ZNF354B: variants seen among roughly 807,000 people sequenced by gnomAD.
ZNF354B encodes zinc finger protein 354B.
A neutral mutation model predicts 12.9 loss-of-function variants in ZNF354B; 10 were observed. That is an observed-to-expected ratio of 0.77 (90% CI 0.48 to 1.31). ZNF354B has a LOEUF of 1.31. Ranked by LOEUF, ZNF354B falls within the 40% of genes most tolerant of loss-of-function variation. ZNF354B has a pLI of 0.00. For synonymous variants in ZNF354B, 260 were observed against 243.7 expected (o/e 1.07, Z -0.62); for missense variants, 614 against 711.7 (o/e 0.86, Z 1.56).
rs1757451800 is a variant in ZNF354B at position 178,866,259 on chromosome 5, G to A, written c.49G>A (p.Glu17Lys). Residue 17 changes from glutamate to lysine, a missense_variant, in exon 3 of 5, where the codon GAG becomes AAG. Transcript: ENST00000322434. ...EARPQVSLTF[E>K]DVAVLFTWDE... Reference sequence around the variant, plus strand: ...GTCCTTACAGGTGTCACTGACATTCGAGGACGTGGCTGTGCTCTTTACCTG... The same window carrying A: ...GTCCTTACAGGTGTCACTGACATTCAAGGACGTGGCTGTGCTCTTTACCTG... 6.2e-7 allele frequency: 1 copy of A among 1,614,010 alleles called. No homozygotes were observed. Among genetic ancestry groups the A allele is most frequent in the Non-Finnish European group, 8.5e-7 (1 of 1,179,956 alleles).
chr5:178,862,475 C>G (rs555629324), intron 2 of ZNF354B, among the ~76,000 whole-genome samples: 1 of 150,600 alleles, frequency 6.6e-6, no homozygotes, highest in African/African-American at 2.5e-5. Context: ...CAAGCAATTC[C>G]CCTGCCTCAG....
intron 4 of ZNF354B, among the ~76,000 whole-genome samples, chr5:178,877,258 CT>C (rs1218801484): frequency 2.0e-5 from 3 of 152,104 alleles, no homozygotes; most frequent in African/African-American, 4.8e-5. Flanking sequence ...CAACCTCCAC[CT>C]TTTGGGTTTA....
At chr5:178,872,472 A>T (rs60325919) in intron 4 of ZNF354B, among the ~76,000 whole-genome samples, 3 of 152,296 alleles carry the variant, frequency 2.0e-5, no homozygotes, top group African/African-American at 7.2e-5. Flanking sequence ...TTGTGCAAAA[A>T]TTAGTTTTTA....
At chr5:178,870,464 G>T (rs1465022680) in intron 4 of ZNF354B, among the ~76,000 whole-genome samples, 1 of 152,174 alleles carries the variant, frequency 6.6e-6, no homozygotes, top group Non-Finnish European at 1.5e-5. Flanking sequence ...TTTTTTAGTA[G>T]AGACCGCGTT....
At chr5:178,868,499 G>A (rs1757499330) in intron 4 of ZNF354B, among the ~76,000 whole-genome samples, 1 of 151,680 alleles carries the variant, frequency 6.6e-6, no homozygotes, top group African/African-American at 2.4e-5. Context: ...GCACGATCTA[G>A]TGGGGGACAA....
Position 178,883,006 on chromosome 5 carries a change from C to CATCAAA in ZNF354B, c.557_562dup (p.Ser186_Lys187dup). 1 of 1,607,126 alleles carries CATCAAA rather than the reference C, an allele frequency of 6.2e-7. No individual in the cohort carries two copies. The highest frequency in any genetic ancestry group is 1.1e-5 in the South Asian group (1 of 88,386). ...CAGAGATTTGCTAAAGAAAAAACTC[C>CATCAAA]ATCAAAATGTGAAATACAAAGAAAT... On this transcript the variant is annotated inframe_insertion, in exon 5 of 5. Coordinates refer to ENST00000322434, the MANE Select transcript of ZNF354B (RefSeq NM_058230.3).
At chr5:178,874,152 T>A (rs1001550657) in intron 4 of ZNF354B, among the ~76,000 whole-genome samples, 9 of 152,162 alleles carry the variant, frequency 5.9e-5, no homozygotes, top group Non-Finnish European at 1.2e-4. Context: ...AAACAGCGTT[T>A]CACCATTTTG....
At chr5:178,870,134 C>T (rs1757539259) in intron 4 of ZNF354B, among the ~76,000 whole-genome samples, 1 of 152,012 alleles carries the variant, frequency 6.6e-6, no homozygotes, top group Non-Finnish European at 1.5e-5. Flanking sequence ...TAACATAGAC[C>T]CTGTCTGTGT....
At chr5:178,860,333 C>G (rs1757326217) in intron 1 of ZNF354B, among the ~76,000 whole-genome samples, 1 of 140,966 alleles carries the variant, frequency 7.1e-6, no homozygotes, top group South Asian at 2.1e-4. Context: ...GCGCCGCCCG[C>G]CGTGAACGCG....
chr5:178,884,274 G>A lies in ZNF354B; in HGVS notation c.1822G>A (p.Ala608Thr). The A allele has an allele frequency of 6.3e-7, 1 of 1,587,862 alleles. No individual in the cohort carries two copies. Among genetic ancestry groups the A allele is most frequent in the South Asian group, 1.2e-5 (1 of 86,318 alleles). Residue 608 changes from alanine to threonine, a missense_variant, in exon 5 of 5, where the codon GCC becomes ACC. By Grantham distance (58) the Ala-to-Thr change is moderately conservative. Coordinates refer to ENST00000322434, the MANE Select transcript of ZNF354B (RefSeq NM_058230.3). ...TCACATTGAAGAGGACTCCTTAAAA[G>A]CCGATTTGCATGTGTGAAAGCCTTA... ...KIHIEEDSLK[A>T]DLHV
chr5:178,872,326 A>G (rs1030485885), intron 4 of ZNF354B, among the ~76,000 whole-genome samples: 3 of 151,992 alleles, frequency 2.0e-5, no homozygotes, highest in Non-Finnish European at 2.9e-5. Flanking sequence ...TCAGTACTTC[A>G]TTTCTTTTAA....
At position 178,869,353 on chromosome 5, in the gene ZNF354B, A is replaced by G. The variant is rs535117462; in HGVS notation, c.256+2282A>G. Among the ~76,000 whole-genome samples, 66 of 152,258 alleles carry G rather than the reference A, an allele frequency of 4.3e-4. No homozygotes were observed. The South Asian group carries it at 5.4e-3, about 12-fold the overall frequency. On this transcript the variant is annotated intron_variant, in intron 4 of 4. Coordinates refer to ENST00000322434, the MANE Select transcript of ZNF354B (RefSeq NM_058230.3). ...TTTTTTTTTTAAAAAGGGGAACCAC[A>G]CTTGTGTTTTTAATCTCCTTTGGTA...
chr5:178,884,422 TA>T lies in ZNF354B; in HGVS notation c.*132del. 1 of 1,003,580 alleles carries T rather than the reference TA, an allele frequency of 1.0e-6. No individual in the cohort carries two copies. Among genetic ancestry groups the T allele is most frequent in the Non-Finnish European group, 1.4e-6 (1 of 709,778 alleles). 62.2% of individuals were successfully genotyped at this position (1,003,580 alleles called of 1,614,324 possible). A position where few individuals can be genotyped will look rare whatever the true frequency, so the allele number is the denominator to read the frequency against. Reference sequence around the variant, plus strand: ...AATAAACTTTAGCTATGTAATAACTTATGGGAAAAGCTTTTATACTTGTCAC... The same window carrying T: ...AATAAACTTTAGCTATGTAATAACTTTGGGAAAAGCTTTTATACTTGTCAC... On this transcript the variant is annotated 3_prime_UTR_variant, in exon 5 of 5. Coordinates refer to ENST00000322434, the MANE Select transcript of ZNF354B (RefSeq NM_058230.3).
Position 178,866,369 on chromosome 5 carries a change from G to T in ZNF354B, c.159G>T (p.Leu53=). The T allele has an allele frequency of 6.2e-7, 1 of 1,609,496 alleles. No individual in the cohort carries two copies. Among genetic ancestry groups the T allele is most frequent in the Non-Finnish European group, 8.5e-7 (1 of 1,178,092 alleles). Residue 53 remains leucine, a splice_region_variant and synonymous_variant, in exon 3 of 5, where the codon CTG becomes CTT. Coordinates refer to ENST00000322434, the MANE Select transcript of ZNF354B (RefSeq NM_058230.3). ...AGAACTATAGGAACCTGGTCTCACT[G>T]GGTAAGGAAATTTCCCCTCTAGAAA... is the stretch of plus-strand genomic sequence containing the variant. ...MLENYRNLVS[L]GLSFTKPKVI...
intron 4 of ZNF354B, among the ~76,000 whole-genome samples, chr5:178,871,902 CT>C: frequency 6.6e-6 from 1 of 152,166 alleles, no homozygotes; most frequent in South Asian, 2.1e-4. Context: ...GGGAATTTTA[CT>C]TTTTTTAGAA....
At chr5:178,862,320 G>C (rs78564145) in intron 2 of ZNF354B, among the ~76,000 whole-genome samples, 22,199 of 150,790 alleles carry the variant, frequency 0.15, 1,999 homozygotes, top group African/African-American at 0.25. Flanking sequence ...ATGGGCAGAT[G>C]CAGCCACGCG....
chr5:178,882,640 C>T, intron 4 of ZNF354B, 69 bp from the exon 5 acceptor site: 1 of 1,462,046 alleles, frequency 6.8e-7, no homozygotes, highest in Non-Finnish European at 9.1e-7. Context: ...CAATTAATCC[C>T]TTCTACACAT....
intron 1 of ZNF354B, chr5:178,860,774 T>C (rs904570987): frequency 4.5e-6 from 2 of 443,844 alleles, no homozygotes; most frequent in Non-Finnish European, 8.3e-6. Flanking sequence ...AGCGGGTCGC[T>C]GCTGCCACTG....
chr5:178,867,998 G>A (rs1162305669), intron 4 of ZNF354B, among the ~76,000 whole-genome samples: 1 of 152,206 alleles, frequency 6.6e-6, no homozygotes, highest in Non-Finnish European at 1.5e-5. Context: ...TGCAATCATG[G>A]AGGGAGGCAG....
Sources: gnomAD v4.1 joint callset for allele counts (sites outside exome capture counted in the v4.1 genomes callset) on GRCh38, gnomAD v4.1.1 for gene constraint, MANE v1.5 for transcripts, NCBI Gene and HGNC (gene_info 2026-07-23, HGNC 2026-07-21) for gene names.